The following NECTIN4 variants were observed in gnomAD, a reference collection of about 807,000 sequenced individuals.
NECTIN4 encodes nectin-4.
NECTIN4 carries 19 observed loss-of-function variants against 51.7 expected under a neutral mutation model. The ratio of observed to expected loss-of-function variants is 0.37; its 90% CI spans 0.26 to 0.54. The LOEUF (loss-of-function observed/expected upper bound fraction) is 0.54. Among genes scored for constraint, NECTIN4 ranks in the 20% least tolerant of loss-of-function variants. NECTIN4 has a pLI of 0.86. For missense variants in NECTIN4, 619 were observed against 662.4 expected, an observed-to-expected ratio of 0.93 and a Z score of 0.72; for synonymous variants, 283 against 286.9, an observed-to-expected ratio of 0.99 and a Z score of 0.14.
chr1:161,072,320 C>T lies in NECTIN4; in HGVS notation c.*341G>A, dbSNP rs1653202793. The T allele has an allele frequency of 2.4e-6, 1 of 415,304 alleles. No individual in the cohort carries two copies. The highest frequency in any genetic ancestry group is 2.1e-5 in the South Asian group (1 of 46,544). The allele number at this position is 415,304 out of a possible 1,614,324, so 25.7% of individuals were successfully genotyped here. The stretch of plus-strand genomic sequence containing the variant: ...CCACGCAACCACTCAAATCCCGTGG[C>T]ACATACACCACAGTTCACTTGACTC... On this transcript the variant is annotated 3_prime_UTR_variant, in exon 9 of 9. Coordinates refer to ENST00000368012, the MANE Select transcript of NECTIN4 (RefSeq NM_030916.3).
At chr1:161,082,065 C>T (rs1002543799) in intron 1 of NECTIN4, among the ~76,000 whole-genome samples, 1 of 152,012 alleles carries the variant, frequency 6.6e-6, no homozygotes, top group Non-Finnish European at 1.5e-5. Flanking sequence ...CACAGTGGCT[C>T]ACACCCTAAT....
At chr1:161,074,090 G>T in intron 6 of NECTIN4, 127 bp downstream of exon 6, 3 of 1,198,080 alleles carry the variant, frequency 2.5e-6, no homozygotes, top group Non-Finnish European at 3.7e-6. Context: ...GAAACACCCT[G>T]CCCACCTCTA....
chr1:161,088,743 T>C (rs915371523), intron 1 of NECTIN4, among the ~76,000 whole-genome samples: 26 of 152,176 alleles, frequency 1.7e-4, no homozygotes, highest in African/African-American at 6.3e-4. Context: ...CCCCATCCAC[T>C]CTCTGGGCAT....
In NECTIN4 at chr1:161,079,907, G is replaced by C; in HGVS notation, c.122C>G (p.Thr41Ser). ...AGELETSDVV[T>S]VVLGQDAKLP... ...TTTTGCGTCCTGGCCCAGCACCACA[G>C]TTACCACGTCTGAGGTCTCCAGCTC... The change falls in exon 2 of 9, where the codon ACT (threonine) becomes AGT (serine). Residue 41 changes from threonine (T) to serine (S), a missense_variant. By Grantham distance (58) the Thr-to-Ser change is moderately conservative. Around this residue, in one of 3 missense-constraint regions of NECTIN4, gnomAD observed 218 missense variants for 186.3 expected, o/e 1.17. Coordinates refer to ENST00000368012, the MANE Select transcript of NECTIN4 (RefSeq NM_030916.3). 5.6e-6 allele frequency: 9 copies of C among 1,612,784 alleles called. No individual in the cohort carries two copies. The highest frequency in any genetic ancestry group is 7.6e-6 in the Non-Finnish European group (9 of 1,179,162).
In NECTIN4 at chr1:161,076,540, G is replaced by A. The variant is rs1653423386; in HGVS notation, c.731-65C>T. On this transcript the variant is annotated intron_variant, in intron 3 of 8. Coordinates refer to ENST00000368012, the MANE Select transcript of NECTIN4 (RefSeq NM_030916.3). ...CCTTTGATCATGTGGTACCTCAAAG[G>A]GCCCTGCCCCCACCCCACCCTGCCT... 9 of 1,604,216 alleles carry A rather than the reference G, an allele frequency of 5.6e-6. No homozygotes were observed. In the Admixed American group the frequency reaches 1.0e-4, roughly 18 times the overall value.
Position 161,077,466 on chromosome 1 carries a change from G to T in NECTIN4, c.717C>A (p.Ile239=). 6.2e-7 allele frequency: 1 copy of T among 1,614,176 alleles called. No individual in the cohort carries two copies. The highest frequency in any genetic ancestry group is 8.5e-7 in the Non-Finnish European group (1 of 1,180,036). The part of the protein sequence containing the change: ...GLLQDQRITH[I]LHVSFLAEAS... ...CCAAGTACTTACAGGACACGTGGAG[G>T]ATGTGGGTGATCCTTTGGTCCTGGA... The change falls in exon 3 of 9, where the codon ATC becomes ATA. Residue 239 remains isoleucine (I), a synonymous_variant. Coordinates refer to ENST00000368012, the MANE Select transcript of NECTIN4 (RefSeq NM_030916.3).
At position 161,074,445 on chromosome 1, in the gene NECTIN4, C is replaced by T. The variant is rs768918761; in HGVS notation, c.1001-72G>A. 43 of 1,606,272 alleles carry T rather than the reference C, an allele frequency of 2.7e-5. No homozygotes were observed. In the East Asian group the frequency reaches 3.3e-4, roughly 13 times the overall value. ...CCCACCCCAGACCTCACAGCTCCCCCGCAAAACATCTAAAACCACACCTCA... is the reference window on the plus strand; with the variant it reads ...CCCACCCCAGACCTCACAGCTCCCCTGCAAAACATCTAAAACCACACCTCA... On this transcript the variant is annotated intron_variant, in intron 5 of 8. Coordinates refer to ENST00000368012, the MANE Select transcript of NECTIN4 (RefSeq NM_030916.3).
At chr1:161,088,951 C>T (rs112072617) in intron 1 of NECTIN4, among the ~76,000 whole-genome samples, 2,238 of 152,162 alleles carry the variant, frequency 0.015, 28 homozygotes, top group Non-Finnish European at 0.023. Context: ...CAGCTCAGGC[C>T]TAGGCAAGGC....
chr1:161,074,504 C>G, intron 5 of NECTIN4, 107 bp downstream of exon 5: 1 of 1,576,538 alleles, frequency 6.3e-7, no homozygotes, highest in Non-Finnish European at 8.7e-7. Context: ...AGCCCAGCCC[C>G]CTCTGAATAA....
In NECTIN4 at chr1:161,072,656, C is replaced by T; in HGVS notation, c.*5G>A. 2.5e-6 allele frequency: 4 copies of T among 1,613,638 alleles called. No homozygotes were observed. Among genetic ancestry groups the T allele is most frequent in the Non-Finnish European group, 3.4e-6 (4 of 1,179,532 alleles). On this transcript the variant is annotated 3_prime_UTR_variant, in exon 9 of 9. Coordinates refer to ENST00000368012, the MANE Select transcript of NECTIN4 (RefSeq NM_030916.3). ...CCAGGCCTAGGGAAGGGAGGCAGGCCTGGGTCAGACCAGGTGTCCCCGCCC... is the reference window on the plus strand; with the variant it reads ...CCAGGCCTAGGGAAGGGAGGCAGGCTTGGGTCAGACCAGGTGTCCCCGCCC...
In NECTIN4 at chr1:161,076,383, G is replaced by T. The variant is rs772998747; in HGVS notation, c.823C>A (p.Gln275Lys). Reference protein sequence around the residue: ...GAMLKCLSEGQPPPSYNWTRL... With the variant: ...GAMLKCLSEGKPPPSYNWTRL... The stretch of plus-strand genomic sequence containing the variant: ...GTCCAGTTGTATGAGGGAGGGGGCT[G>T]CCCTTCACTCAGGCACTTGAGCATA... Residue 275 changes from glutamine to lysine, a missense_variant, in exon 4 of 9, where the codon CAG (glutamine) becomes AAG (lysine). Transcript: ENST00000368012. 1 of 1,614,174 alleles carries T rather than the reference G, an allele frequency of 6.2e-7. No homozygotes were observed. Among genetic ancestry groups the T allele is most frequent in the Admixed American group, 1.7e-5 (1 of 60,010 alleles).
In NECTIN4 at chr1:161,089,497, C is replaced by T. The variant is rs930663296; in HGVS notation, c.-201G>A. Reference sequence around the variant, plus strand: ...CCAGCCGTAGCTACCCCCAAGAAGCCGTGATCGGGAGCTCCGAGCTCCCCC... The same window carrying T: ...CCAGCCGTAGCTACCCCCAAGAAGCTGTGATCGGGAGCTCCGAGCTCCCCC... On this transcript the variant is annotated 5_prime_UTR_variant, in exon 1 of 9. Coordinates refer to ENST00000368012, the MANE Select transcript of NECTIN4 (RefSeq NM_030916.3). The surrounding 1 kb of genome is among the most constrained non-coding windows in gnomAD (Gnocchi z 4.1). 2.8e-5 allele frequency: 17 copies of T among 608,014 alleles called. No individual in the cohort carries two copies. Among genetic ancestry groups the T allele is most frequent in the Non-Finnish European group, 4.4e-5 (15 of 339,684 alleles). The allele number at this position is 608,014 out of a possible 1,614,324, so 37.7% of individuals were successfully genotyped here.
chr1:161,080,132 T>G (rs2101668278), intron 1 of NECTIN4, among the ~76,000 whole-genome samples, 183 bp from the exon 2 acceptor site: 1 of 152,328 alleles, frequency 6.6e-6, no homozygotes, highest in East Asian at 1.9e-4. Flanking sequence ...GGCGTTATTA[T>G]CACCGTTTAA....
At chr1:161,081,529 T>C (rs1016018089) in intron 1 of NECTIN4, among the ~76,000 whole-genome samples, 1 of 152,034 alleles carries the variant, frequency 6.6e-6, no homozygotes, top group African/African-American at 2.4e-5. Flanking sequence ...TTTGGAGTCA[T>C]GGAATCAAAA....
At chr1:161,088,102 G>A (rs1654029373) in intron 1 of NECTIN4, among the ~76,000 whole-genome samples, 1 of 152,120 alleles carries the variant, frequency 6.6e-6, no homozygotes, top group Non-Finnish European at 1.5e-5. Context: ...CTGGAGGCTG[G>A]GCCCATGACC....
Position 161,072,602 on chromosome 1 carries a change from G to C in NECTIN4, c.*59C>G, listed in dbSNP as rs1653222118. The C allele has an allele frequency of 6.9e-7, 1 of 1,446,984 alleles. No individual in the cohort carries two copies. The highest frequency in any genetic ancestry group is 1.4e-5 in the African/African-American group (1 of 71,712). The allele number at this position is 1,446,984 out of a possible 1,614,324, so 89.6% of individuals were successfully genotyped here. ...GTGTTTAAGGAGGCCCCCAAGATGA[G>C]CTAAAATCTCCCATGTCAACAGAAG... On this transcript the variant is annotated 3_prime_UTR_variant, in exon 9 of 9. Transcript: ENST00000368012.
At chr1:161,087,769 T>C (rs776214893) in intron 1 of NECTIN4, among the ~76,000 whole-genome samples, 2 of 151,826 alleles carry the variant, frequency 1.3e-5, no homozygotes, top group African/African-American at 4.9e-5. Flanking sequence ...GATGTTTGTG[T>C]GTGTGCGTGT....
At chr1:161,088,313 G>A (rs1392924891) in intron 1 of NECTIN4, among the ~76,000 whole-genome samples, 1 of 152,098 alleles carries the variant, frequency 6.6e-6, no homozygotes, top group Admixed American at 6.5e-5. Context: ...ATCTTTTGAA[G>A]GAGAAATATT....
Position 161,073,814 on chromosome 1 carries a change from T to C in NECTIN4, c.1158-19A>G. ...CTCCTCACTGGGAAAGACACACCCT[T>C]GTCAGGAGCTGAGGGTAGTGGCAGC... On this transcript the variant is annotated intron_variant, in intron 6 of 8. Transcript: ENST00000368012. 1 of 1,609,090 alleles carries C rather than the reference T, an allele frequency of 6.2e-7. No homozygotes were observed. Among genetic ancestry groups the C allele is most frequent in the Non-Finnish European group, 8.5e-7 (1 of 1,175,584 alleles).
Sources: gnomAD v4.1 joint callset for allele counts (sites outside exome capture counted in the v4.1 genomes callset) on GRCh38, gnomAD v4.1.1 for gene constraint, gnomAD v4.1.1 regional missense constraint, Gnocchi (gnomAD v3.1) non-coding constraint, MANE v1.5 for transcripts, NCBI Gene and HGNC (gene_info 2026-07-23, HGNC 2026-07-21) for gene names.